The following GSTZ1 variants were observed in gnomAD, a reference collection of about 807,000 sequenced individuals.
GSTZ1 encodes the protein maleylacetoacetate isomerase.
A neutral mutation model predicts 35.9 loss-of-function variants in GSTZ1; 34 were observed. That is an observed-to-expected ratio of 0.95 (90% CI 0.72 to 1.26). The LOEUF (loss-of-function observed/expected upper bound fraction) is 1.26. GSTZ1 is among the 50% of genes most tolerant of loss of function. The pLI is 0.00. For synonymous variants in GSTZ1, 93 were observed against 101.2 expected (o/e 0.92, Z 0.49); for missense variants, 263 against 271.7 (o/e 0.97, Z 0.23).
intron 1 of GSTZ1, chr14:77,321,673 G>A (rs1891993873): frequency 1.1e-5 from 4 of 364,670 alleles, no homozygotes; most frequent in African/African-American, 6.6e-5. Flanking sequence ...CACAAGGTCA[G>A]GAGATAGAGA....
intron 1 of GSTZ1, chr14:77,323,633 C>G (rs1892145598): frequency 6.6e-6 from 1 of 152,238 alleles, no homozygotes; most frequent in African/African-American, 2.4e-5. Flanking sequence ...ACCCACCATA[C>G]TAGAATGAAA....
chr14:77,321,042 C>G lies in GSTZ1; in HGVS notation c.-127C>G. 1 of 1,061,780 alleles carries G rather than the reference C, an allele frequency of 9.4e-7. No individual in the cohort carries two copies. Among genetic ancestry groups the G allele is most frequent in the Non-Finnish European group, 1.3e-6 (1 of 757,716 alleles). 65.8% of individuals were successfully genotyped at this position (1,061,780 alleles called of 1,614,324 possible). ...GGCGACCGGAAGGATCTTTCTAGTC[C>G]AGCCCCTCGCTTTACCCGGACGAAA... On this transcript the variant is annotated 5_prime_UTR_variant, in exon 1 of 9. Coordinates refer to ENST00000216465, the MANE Select transcript of GSTZ1 (RefSeq NM_145870.3).
chr14:77,330,949 C>T (rs1448450191), intron 8 of GSTZ1, 120 bp from the exon 9 acceptor site: 2 of 893,084 alleles, frequency 2.2e-6, no homozygotes, highest in African/African-American at 1.7e-5. Context: ...GCCCCATCGT[C>T]CTTCCCTGGA....
At position 77,329,782 on chromosome 14, in the gene GSTZ1, C is replaced by T. The variant is rs199552988; in HGVS notation, c.449C>T (p.Ala150Val). ...CTGGAGCAGATCCTACAGAGCACAGCGGGCATATACTGTGTAGGAGACGAG... is the reference window on the plus strand; with the variant it reads ...CTGGAGCAGATCCTACAGAGCACAGTGGGCATATACTGTGTAGGAGACGAG... ...NALEQILQSTAGIYCVGDEVT... is the reference protein window; with the variant it reads ...NALEQILQSTVGIYCVGDEVT... Residue 150 changes from alanine to valine, a missense_variant, in exon 7 of 9, where the codon GCG becomes GTG. Ala to Val is a moderately conservative substitution (Grantham distance 64). Coordinates refer to ENST00000216465, the MANE Select transcript of GSTZ1 (RefSeq NM_145870.3). 4.0e-5 allele frequency: 64 copies of T among 1,613,694 alleles called. No individual in the cohort carries two copies. In the East Asian group the frequency reaches 8.5e-4, roughly 21 times the overall value.
intron 1 of GSTZ1, chr14:77,323,226 T>C (rs1892119670): frequency 6.6e-6 from 1 of 152,202 alleles, no homozygotes; most frequent in Admixed American, 6.5e-5. Flanking sequence ...ATGGGGGCCA[T>C]TAGTCTGTTC....
In GSTZ1 at chr14:77,329,143, A is replaced by G; in HGVS notation, c.363A>G (p.Gln121=). The G allele has an allele frequency of 6.2e-7, 1 of 1,612,970 alleles. No homozygotes were observed. Among genetic ancestry groups the G allele is most frequent in the Non-Finnish European group, 8.5e-7 (1 of 1,178,908 alleles). Reference sequence around the variant, plus strand: ...CACAGAACCTGTCTGTCCTGAAGCAAGTGGGAGAGGAGATGCAGCTGACCT... The same window carrying G: ...CACAGAACCTGTCTGTCCTGAAGCAGGTGGGAGAGGAGATGCAGCTGACCT... ...QPLQNLSVLK[Q]VGEEMQLTWA... Residue 121 remains glutamine (Q), a synonymous_variant, in exon 6 of 9, where the codon CAA becomes CAG. Coordinates refer to ENST00000216465, the MANE Select transcript of GSTZ1 (RefSeq NM_145870.3).
In GSTZ1 at chr14:77,328,117, G is replaced by T. The variant is rs891137758; in HGVS notation, c.342+80G>T. On this transcript the variant is annotated intron_variant, in intron 5 of 8. Coordinates refer to ENST00000216465, the MANE Select transcript of GSTZ1 (RefSeq NM_145870.3). ...ACATTGGCTGTGAGCTGCCCAGTGT[G>T]GGGGCGGGGGTGTCAAGGGAGGGAG... 3 of 1,455,486 alleles carry T rather than the reference G, an allele frequency of 2.1e-6. No homozygotes were observed. The African/African-American group carries it at 4.2e-5, about 20-fold the overall frequency. The allele number at this position is 1,455,486 out of a possible 1,614,324, so 90.2% of individuals were successfully genotyped here.
At chr14:77,321,516 C>A in intron 1 of GSTZ1, 1 of 1,346,598 alleles carries the variant, frequency 7.4e-7, no homozygotes, top group African/African-American at 1.5e-5. Context: ...CCCCAAGCCT[C>A]CCAATTTCTC....
intron 1 of GSTZ1, chr14:77,322,554 C>G: frequency 1.0e-6 from 1 of 977,860 alleles, no homozygotes; most frequent in Non-Finnish European, 1.2e-6. Context: ...TAGTGGTCAC[C>G]AGCAGTCCCT....
Position 77,331,591 on chromosome 14 carries a change from G to T in GSTZ1, c.*396G>T, listed in dbSNP as rs1892632555. 2 of 173,962 alleles carry T rather than the reference G, an allele frequency of 1.1e-5. No individual in the cohort carries two copies. The highest frequency in any genetic ancestry group is 4.7e-5 in the African/African-American group (2 of 42,580). The allele number at this position is 173,962 out of a possible 1,614,324, so 10.8% of individuals were successfully genotyped here. ...TGGCGTGAATTAAACTGAAGCCCAG[G>T]CCTCTACCTTGTTTGTCTAAGACTG... On this transcript the variant is annotated 3_prime_UTR_variant, in exon 9 of 9. Coordinates refer to ENST00000216465, the MANE Select transcript of GSTZ1 (RefSeq NM_145870.3).
rs1017405528 is a variant in GSTZ1 at position 77,327,552 on chromosome 14, A to G, written c.216A>G (p.Ser72=). ...LKIDGITIHQ[S]LAIIEYLEEM... Reference sequence around the variant, plus strand: ...TTGATGGAATCACCATTCACCAGTCAGTGAGTGCAGGGCCTGGGGGAGGGC... The same window carrying G: ...TTGATGGAATCACCATTCACCAGTCGGTGAGTGCAGGGCCTGGGGGAGGGC... Residue 72 remains serine (S), a splice_region_variant and synonymous_variant, in exon 4 of 9, where the codon TCA becomes TCG. Coordinates refer to ENST00000216465, the MANE Select transcript of GSTZ1 (RefSeq NM_145870.3). 1 of 1,594,100 alleles carries G rather than the reference A, an allele frequency of 6.3e-7. No individual in the cohort carries two copies. Among genetic ancestry groups the G allele is most frequent in the Non-Finnish European group, 8.6e-7 (1 of 1,165,044 alleles).
At chr14:77,328,439 G>A (rs1282404840) in intron 5 of GSTZ1, 1 of 204,602 alleles carries the variant, frequency 4.9e-6, no homozygotes, top group Non-Finnish European at 9.9e-6. Context: ...TGTTAAAACA[G>A]ACAACTAAGT....
At chr14:77,321,434 C>G in intron 1 of GSTZ1, 1 of 1,524,424 alleles carries the variant, frequency 6.6e-7, no homozygotes, top group Non-Finnish European at 8.8e-7. Flanking sequence ...TGTCCGGTCG[C>G]GCTTCACTTC....
At chr14:77,321,223 C>G (rs1891921603) in intron 1 of GSTZ1, 40 bp downstream of exon 1, 1 of 1,524,010 alleles carries the variant, frequency 6.6e-7, no homozygotes, top group Non-Finnish European at 8.8e-7. Flanking sequence ...GCTGGTTAGA[C>G]ACCTGGAGAC....
At chr14:77,324,849 C>T (rs1892231389) in intron 1 of GSTZ1, 21 bp from the exon 2 acceptor site, 1 of 1,613,322 alleles carries the variant, frequency 6.2e-7, no homozygotes, top group South Asian at 1.1e-5. Flanking sequence ...TAACACGCGC[C>T]TTCATCCTCT....
intron 1 of GSTZ1, among the ~76,000 whole-genome samples, chr14:77,321,957 A>G (rs894816728): frequency 9.9e-5 from 15 of 151,584 alleles, no homozygotes; most frequent in African/African-American, 3.4e-4. Flanking sequence ...CGGCTTTCAC[A>G]TGTTCTTCCC....
At position 77,327,795 on chromosome 14, in the gene GSTZ1, G is replaced by A. The variant is rs920244351; in HGVS notation, c.217-117G>A. 1.2e-5 allele frequency: 12 copies of A among 1,008,400 alleles called. No individual in the cohort carries two copies. In the African/African-American group the frequency reaches 1.4e-4, roughly 12 times the overall value. 62.5% of individuals were successfully genotyped at this position (1,008,400 alleles called of 1,614,324 possible). A position where few individuals can be genotyped will look rare whatever the true frequency, so the allele number is the denominator to read the frequency against. On this transcript the variant is annotated intron_variant, in intron 4 of 8. Coordinates refer to ENST00000216465, the MANE Select transcript of GSTZ1 (RefSeq NM_145870.3). The stretch of plus-strand genomic sequence containing the variant: ...TAGGGCTTGAGCTGAGCAGAAGCAG[G>A]GGGGAAGAGGTGTAGTGATGGTGCT...
chr14:77,327,542 T>C lies in GSTZ1; in HGVS notation c.206T>C (p.Ile69Thr). 3.7e-6 allele frequency: 6 copies of C among 1,603,042 alleles called. No individual in the cohort carries two copies. The highest frequency in any genetic ancestry group is 2.2e-5 in the South Asian group (2 of 89,604). Residue 69 changes from isoleucine (I) to threonine (T), a missense_variant, in exon 4 of 9, where the codon ATT (isoleucine) becomes ACT (threonine). Ile to Thr is a moderately conservative substitution (Grantham distance 89). Transcript: ENST00000216465. ...VPTLKIDGIT[I>T]HQSLAIIEYL... is the part of the protein sequence containing the mutation. ...ACCCTGAAGATTGATGGAATCACCA[T>C]TCACCAGTCAGTGAGTGCAGGGCCT...
chr14:77,321,802 G>C (rs554834772), intron 1 of GSTZ1, among the ~76,000 whole-genome samples: 8 of 151,326 alleles, frequency 5.3e-5, no homozygotes, highest in Non-Finnish European at 1.2e-4. Flanking sequence ...AGAATAGCGT[G>C]AACCCAGGAG....
Sources: allele counts gnomAD v4.1 joint callset (sites outside exome capture counted in the v4.1 genomes callset), GRCh38; gene constraint gnomAD v4.1.1; transcripts MANE v1.5; gene names NCBI Gene and HGNC (gene_info 2026-07-23, HGNC 2026-07-21).